Variants in ARHGAP10 observed in about 807,000 individuals in gnomAD.
The protein encoded by ARHGAP10 is Rho GTPase activating protein 10.
ARHGAP10 carries 87 observed loss-of-function variants against 108.6 expected under a neutral mutation model. That is an observed-to-expected ratio of 0.80 (90% CI 0.67 to 0.96). ARHGAP10 has a LOEUF of 0.96. ARHGAP10 is among the 40% of genes least tolerant of loss of function. The probability of loss-of-function intolerance (pLI) is 0.00; values close to 1 mark genes in which losing one functional copy is unlikely to be tolerated. For missense variants in ARHGAP10, 939 were observed against 954.5 expected, an observed-to-expected ratio of 0.98 and a Z score of 0.21; for synonymous variants, 347 against 341.1, an observed-to-expected ratio of 1.02 and a Z score of -0.19.
At chr4:147,913,041 T>A (rs771501116) in intron 12 of ARHGAP10, 33 bp from the exon 13 acceptor site, 5 of 1,564,726 alleles carry the variant, frequency 3.2e-6, no homozygotes, top group Non-Finnish European at 4.4e-6. Flanking sequence ...AAATAATAAT[T>A]GTACACTTAA....
At chr4:147,867,758 G>A (rs1050313120) in intron 7 of ARHGAP10, among the ~76,000 whole-genome samples, 2 of 151,668 alleles carry the variant, frequency 1.3e-5, no homozygotes, top group Admixed American at 6.6e-5. Flanking sequence ...CAGTTACTCG[G>A]GAGGCTGAGG....
chr4:147,958,051 A>G (rs932650487), intron 16 of ARHGAP10, among the ~76,000 whole-genome samples: 24 of 152,214 alleles, frequency 1.6e-4, no homozygotes, highest in African/African-American at 5.5e-4. Context: ...GACTTTTGAC[A>G]TGGAAATTTA....
intron 15 of ARHGAP10, among the ~76,000 whole-genome samples, chr4:147,954,803 C>T (rs1738727531): frequency 6.6e-6 from 1 of 151,860 alleles, no homozygotes; most frequent in Admixed American, 6.6e-5. Flanking sequence ...TTAAAGTTGT[C>T]ATCAATTTTA....
intron 1 of ARHGAP10, among the ~76,000 whole-genome samples, chr4:147,775,030 C>A (rs1347989148): frequency 1.3e-5 from 2 of 151,996 alleles, no homozygotes; most frequent in Non-Finnish European, 2.9e-5. Context: ...CTCAGGAGTA[C>A]TCTACTTCTG....
chr4:147,850,561 T>G (rs1733836041), intron 4 of ARHGAP10, among the ~76,000 whole-genome samples: 1 of 152,042 alleles, frequency 6.6e-6, no homozygotes, highest in Non-Finnish European at 1.5e-5. Context: ...GCGGCTTCAC[T>G]CCTAAGTCAG....
intron 13 of ARHGAP10, among the ~76,000 whole-genome samples, chr4:147,936,044 G>T (rs1392111032): frequency 6.6e-6 from 1 of 152,066 alleles, no homozygotes; most frequent in Non-Finnish European, 1.5e-5. Flanking sequence ...TTTCACAGAG[G>T]CATGTTTGCT....
intron 18 of ARHGAP10, among the ~76,000 whole-genome samples, chr4:148,003,928 T>G: frequency 6.6e-6 from 1 of 152,244 alleles, no homozygotes; most frequent in Non-Finnish European, 1.5e-5. Context: ...AACACCTATG[T>G]GAAGAAAGCT....
In ARHGAP10 at chr4:147,751,398, C is replaced by A. The variant is rs1578999508; in HGVS notation, c.154+18943C>A. On this transcript the variant is annotated intron_variant, in intron 1 of 22. Coordinates refer to ENST00000336498, the MANE Select transcript of ARHGAP10 (RefSeq NM_024605.4). ...TTTTTTTTTGAGACAGAGTCTTGTT[C>A]TTCCACCCAGGCCAGGGTGCAGTGG... 2.7e-5 allele frequency among the ~76,000 whole-genome samples: 4 copies of A among 147,494 alleles called. No individual in the cohort carries two copies. The South Asian group carries it at 6.4e-4, about 24-fold the overall frequency.
intron 1 of ARHGAP10, among the ~76,000 whole-genome samples, chr4:147,757,488 G>C (rs1055765504): frequency 1.3e-5 from 2 of 152,126 alleles, no homozygotes; most frequent in African/African-American, 4.8e-5. Flanking sequence ...GAGCCACCGC[G>C]CCTGGCTGGG....
chr4:147,841,898 A>G (rs1219324302), intron 3 of ARHGAP10, among the ~76,000 whole-genome samples: 5 of 152,278 alleles, frequency 3.3e-5, no homozygotes, highest in African/African-American at 9.6e-5. Flanking sequence ...TTGCTTACCG[A>G]TCTGAAGATA....
chr4:148,017,748 G>A (rs987277226), intron 18 of ARHGAP10, among the ~76,000 whole-genome samples: 8 of 150,198 alleles, frequency 5.3e-5, no homozygotes, highest in African/African-American at 2.0e-4. Flanking sequence ...AGATACTGTG[G>A]ACTTAAGTAT....
chr4:148,006,634 C>T (rs1740962875), intron 18 of ARHGAP10, among the ~76,000 whole-genome samples: 1 of 152,164 alleles, frequency 6.6e-6, no homozygotes, highest in South Asian at 2.1e-4. Context: ...TGTTGACTTA[C>T]TTCCTATTGA....
chr4:148,039,056 A>G (rs1728506356), intron 19 of ARHGAP10, among the ~76,000 whole-genome samples: 1 of 151,484 alleles, frequency 6.6e-6, no homozygotes. Context: ...CACCCCCACC[A>G]TGTTGGTATT....
At chr4:147,964,625 G>A (rs1739135630) in intron 16 of ARHGAP10, among the ~76,000 whole-genome samples, 1 of 152,188 alleles carries the variant, frequency 6.6e-6, no homozygotes, top group African/African-American at 2.4e-5. Flanking sequence ...CCTGTAACAT[G>A]CAATAGCCTA....
chr4:147,776,241 A>G (rs554738350), intron 1 of ARHGAP10, among the ~76,000 whole-genome samples: 1 of 152,288 alleles, frequency 6.6e-6, no homozygotes, highest in South Asian at 2.1e-4. Context: ...AAATTCTAAG[A>G]CGGAGTCTTG....
At chr4:147,972,164 G>A (rs1022341006) in intron 18 of ARHGAP10, among the ~76,000 whole-genome samples, 1 of 152,104 alleles carries the variant, frequency 6.6e-6, no homozygotes, top group Admixed American at 6.5e-5. Flanking sequence ...GAATTTAGGG[G>A]TAGAAAGTAT....
At chr4:148,008,315 A>G (rs1741030648) in intron 18 of ARHGAP10, among the ~76,000 whole-genome samples, 1 of 152,094 alleles carries the variant, frequency 6.6e-6, no homozygotes, top group Admixed American at 6.6e-5. Context: ...TCTGCTGATG[A>G]AAACAAAGCC....
chr4:147,770,968 T>C (rs1041131206), intron 1 of ARHGAP10, among the ~76,000 whole-genome samples: 1 of 152,216 alleles, frequency 6.6e-6, no homozygotes, highest in African/African-American at 2.4e-5. Flanking sequence ...CTTACCTCTG[T>C]GCCTGTATCT....
intron 13 of ARHGAP10, among the ~76,000 whole-genome samples, chr4:147,921,468 G>A (rs1036719378): frequency 1.3e-5 from 2 of 152,112 alleles, no homozygotes; most frequent in African/African-American, 4.8e-5. Context: ...TCTGCCTTTC[G>A]GGGACAGAAG....
Sources: gnomAD v4.1 joint callset for allele counts (sites outside exome capture counted in the v4.1 genomes callset) on GRCh38, gnomAD v4.1.1 for gene constraint, MANE v1.5 for transcripts, NCBI Gene and HGNC (gene_info 2026-07-23, HGNC 2026-07-21) for gene names.